The following SLC24A4 variants were observed in gnomAD, a reference collection of about 807,000 sequenced individuals.
SLC24A4 encodes the protein sodium/potassium/calcium exchanger 4.
SLC24A4 carries 53 observed loss-of-function variants against 79.0 expected under a neutral mutation model. That is an observed-to-expected ratio of 0.67 (90% confidence interval 0.54 to 0.84). The LOEUF (loss-of-function observed/expected upper bound fraction) is 0.84. Among genes scored for constraint, SLC24A4 ranks in the 40% least tolerant of loss-of-function variants. SLC24A4 has a pLI of 0.00. For synonymous variants in SLC24A4, 323 were observed against 323.8 expected (o/e 1.00, Z 0.03); for missense variants, 731 against 822.0 (o/e 0.89, Z 1.35).
chr14:92,380,188 G>A (rs1371428767), intron 2 of SLC24A4, among the ~76,000 whole-genome samples: 2 of 152,230 alleles, frequency 1.3e-5, no homozygotes, highest in Non-Finnish European at 2.9e-5. Context: ...CAGTGACCGA[G>A]AGCAGATCCA....
intron 12 of SLC24A4, among the ~76,000 whole-genome samples, chr14:92,471,306 C>T (rs1342992153): frequency 6.6e-6 from 1 of 152,186 alleles, no homozygotes; most frequent in Non-Finnish European, 1.5e-5. Context: ...AAGGCTCATA[C>T]TACGGAGTCT....
chr14:92,340,789 A>G (rs1489075546), intron 2 of SLC24A4, among the ~76,000 whole-genome samples: 2 of 152,208 alleles, frequency 1.3e-5, no homozygotes, highest in Non-Finnish European at 2.9e-5. Context: ...ATGGCCTCAC[A>G]TGTCAGGACA....
chr14:92,466,754 T>C (rs1305947041), intron 12 of SLC24A4, among the ~76,000 whole-genome samples: 1 of 151,998 alleles, frequency 6.6e-6, no homozygotes, highest in Admixed American at 6.6e-5. Context: ...CCTGAAATAA[T>C]AGGATTCAGA....
chr14:92,356,204 G>A (rs1488663865), intron 2 of SLC24A4, among the ~76,000 whole-genome samples: 1 of 152,186 alleles, frequency 6.6e-6, no homozygotes, highest in African/African-American at 2.4e-5. Context: ...AAGCTAGGAT[G>A]TTCCGTAGAT....
intron 9 of SLC24A4, among the ~76,000 whole-genome samples, chr14:92,448,093 C>T (rs1892904241): frequency 6.6e-6 from 1 of 152,254 alleles, no homozygotes; most frequent in East Asian, 1.9e-4. Flanking sequence ...TCTGATTGCA[C>T]TTACATGAGG....
chr14:92,432,656 G>T (rs900262183), intron 2 of SLC24A4, among the ~76,000 whole-genome samples: 1 of 152,232 alleles, frequency 6.6e-6, no homozygotes, highest in African/African-American at 2.4e-5. Context: ...AAAAGAGAGA[G>T]ATGTGAGGGA....
chr14:92,487,426 C>T (rs7141594), intron 14 of SLC24A4, among the ~76,000 whole-genome samples: 1 of 126,646 alleles, frequency 7.9e-6, no homozygotes, highest in Non-Finnish European at 1.7e-5. Context: ...TGAATAATGG[C>T]GTAAAATCTC....
intron 8 of SLC24A4, 140 bp from the exon 9 acceptor site, chr14:92,447,231 C>G (rs1892845144): frequency 5.8e-6 from 4 of 687,892 alleles, no homozygotes. Context: ...ATCTCTCTCA[C>G]ATGCCTGGGT....
At chr14:92,358,848 T>C (rs1887333824) in intron 2 of SLC24A4, among the ~76,000 whole-genome samples, 1 of 151,828 alleles carries the variant, frequency 6.6e-6, no homozygotes, top group Admixed American at 6.6e-5. Flanking sequence ...CCACGTCATT[T>C]AATTTTTGTG....
chr14:92,483,678 C>T (rs976136596), intron 13 of SLC24A4: 24 of 1,247,584 alleles, frequency 1.9e-5, no homozygotes, highest in African/African-American at 3.1e-5. Flanking sequence ...TCCTTCCCCA[C>T]TCTCTGTATA....
chr14:92,425,126 A>G (rs1343579959), intron 2 of SLC24A4, among the ~76,000 whole-genome samples: 1 of 152,236 alleles, frequency 6.6e-6, no homozygotes, highest in Non-Finnish European at 1.5e-5. Context: ...GTATGTGCAG[A>G]GAAGAGGCTG....
chr14:92,429,053 C>CTTAGAGCCT (rs1257954922), intron 2 of SLC24A4, among the ~76,000 whole-genome samples: 1 of 152,116 alleles, frequency 6.6e-6, no homozygotes, highest in Non-Finnish European at 1.5e-5. Context: ...GTTATAGAGA[C>CTTAGAGCCT]CTAAGTGTCG....
intron 2 of SLC24A4, among the ~76,000 whole-genome samples, chr14:92,343,896 T>G (rs1399179222): frequency 6.6e-6 from 1 of 152,048 alleles, no homozygotes; most frequent in African/African-American, 2.4e-5. Context: ...GCAGGTGAGG[T>G]TTCACCATGT....
intron 14 of SLC24A4, among the ~76,000 whole-genome samples, chr14:92,488,813 A>C (rs1200059445): frequency 6.6e-6 from 1 of 152,232 alleles, no homozygotes; most frequent in African/African-American, 2.4e-5. Context: ...CCCTAGCCAG[A>C]GTCAGCTGGG....
intron 2 of SLC24A4, among the ~76,000 whole-genome samples, chr14:92,333,182 C>T (rs893186345): frequency 6.6e-6 from 1 of 152,200 alleles, no homozygotes; most frequent in Non-Finnish European, 1.5e-5. Context: ...CAACCTCTGC[C>T]TCCCAGGTTC....
chr14:92,384,753 G>A (rs1199837504), intron 2 of SLC24A4, among the ~76,000 whole-genome samples: 1 of 152,140 alleles, frequency 6.6e-6, no homozygotes, highest in African/African-American at 2.4e-5. Flanking sequence ...CTACTGGCAG[G>A]ATGCAAAGAA....
At chr14:92,436,293 C>T (rs926255516) in intron 3 of SLC24A4, among the ~76,000 whole-genome samples, 4 of 152,280 alleles carry the variant, frequency 2.6e-5, no homozygotes, top group African/African-American at 7.2e-5. Flanking sequence ...ACCCCTATAC[C>T]GCCAATGGTT....
At chr14:92,365,703 A>G (rs529783809) in intron 2 of SLC24A4, among the ~76,000 whole-genome samples, 6 of 152,302 alleles carry the variant, frequency 3.9e-5, no homozygotes, top group African/African-American at 1.2e-4. Flanking sequence ...GCAGGTGACT[A>G]TATTGGCCAC....
At chr14:92,462,819 A>C (rs1893890061) in intron 12 of SLC24A4, 1 of 152,338 alleles carries the variant, frequency 6.6e-6, no homozygotes, top group African/African-American at 2.4e-5. Flanking sequence ...TGAGTTGCCC[A>C]GGGTCATACA....
Sources: allele counts gnomAD v4.1 joint callset (sites outside exome capture counted in the v4.1 genomes callset), GRCh38; gene constraint gnomAD v4.1.1; transcripts MANE v1.5; gene names NCBI Gene and HGNC (gene_info 2026-07-23, HGNC 2026-07-21).